The following DNAH8 variants were observed in gnomAD, a reference collection of about 807,000 sequenced individuals.
DNAH8 encodes the protein axonemal beta dynein heavy chain 8.
Under a neutral mutation model 562.1 loss-of-function variants are expected in DNAH8, and 382 were observed. The observed-to-expected ratio is 0.68, with a 90% CI of 0.63 to 0.74. The LOEUF is 0.74. Among genes scored for constraint, DNAH8 ranks in the 30% least tolerant of loss-of-function variants. The pLI is 0.00. For missense variants in DNAH8, 5,203 were observed against 5,620.4 expected, an observed-to-expected ratio of 0.93 and a Z score of 2.37; for synonymous variants, 1,881 against 1,919.4, an observed-to-expected ratio of 0.98 and a Z score of 0.52.
Position 38,866,573 on chromosome 6 carries a change from A to G in DNAH8, c.6499-18A>G. ...AATTGTTTTAGCAATTAAAAATTAA[A>G]CATATTTTAACTTTTAGAACCCTGG... On this transcript the variant is annotated intron_variant, in intron 45 of 92. Coordinates refer to ENST00000327475, the MANE Select transcript of DNAH8 (RefSeq NM_001206927.2). 1 of 1,550,054 alleles carries G rather than the reference A, an allele frequency of 6.5e-7. No homozygotes were observed. Among genetic ancestry groups the G allele is most frequent in the Non-Finnish European group, 8.8e-7 (1 of 1,142,618 alleles).
chr6:38,973,775 A>G lies in DNAH8; in HGVS notation c.12640A>G (p.Thr4214Ala), dbSNP rs372370472. 4.3e-6 allele frequency: 7 copies of G among 1,610,168 alleles called. No individual in the cohort carries two copies. The highest frequency in any genetic ancestry group is 5.9e-6 in the Non-Finnish European group (7 of 1,178,674). The stretch of plus-strand genomic sequence containing the variant: ...TGATTCTTTCCGAGTATGGATAACT[A>G]CGGAGCCCCATGATCGATTTCCAAT... ...SDDSFRVWIT[T>A]EPHDRFPITL... The change falls in exon 84 of 93, where the codon ACG (threonine) becomes GCG (alanine). Residue 4214 changes from threonine (T) to alanine (A), a missense_variant. Around this residue, in one of 6 missense-constraint regions of DNAH8, gnomAD observed 1,399 missense variants for 1,518.4 expected, o/e 0.92. Transcript: ENST00000327475.
chr6:38,983,163 G>T (rs1252965636), intron 86 of DNAH8, among the ~76,000 whole-genome samples: 1 of 152,170 alleles, frequency 6.6e-6, no homozygotes, highest in Non-Finnish European at 1.5e-5. Context: ...GAGCCTTAAA[G>T]CCTGTTTCCT....
intron 21 of DNAH8, among the ~76,000 whole-genome samples, chr6:38,797,424 C>G (rs1188645152): frequency 2.0e-5 from 3 of 152,238 alleles, no homozygotes; most frequent in East Asian, 3.9e-4. Flanking sequence ...TTCCTAACAC[C>G]AGGGTTTGTG....
intron 77 of DNAH8, 102 bp downstream of exon 77, chr6:38,935,799 A>C: frequency 1.3e-6 from 1 of 784,178 alleles, no homozygotes; most frequent in Non-Finnish European, 1.9e-6. Flanking sequence ...GGAAATACTC[A>C]TGTTATCAAT....
chr6:38,972,451 AATTT>A (rs1195934622), intron 83 of DNAH8, among the ~76,000 whole-genome samples: 4 of 152,140 alleles, frequency 2.6e-5, no homozygotes, highest in Admixed American at 2.6e-4. Flanking sequence ...TAAATTCAAT[AATTT>A]ATTTAATTTA....
chr6:39,010,818 CACGTATGTAT>C (rs1205694229), intron 89 of DNAH8, among the ~76,000 whole-genome samples: 253 of 107,506 alleles, frequency 2.4e-3, no homozygotes, highest in Middle Eastern at 9.6e-3. Flanking sequence ...CACACACACA[CACGTATGTAT>C]GTATGTATGT....
intron 91 of DNAH8, among the ~76,000 whole-genome samples, chr6:39,015,893 C>T (rs992779472): frequency 6.6e-6 from 1 of 152,212 alleles, no homozygotes; most frequent in East Asian, 1.9e-4. Context: ...CACACACACA[C>T]CCTTATCCAT....
chr6:38,913,752 C>A, intron 66 of DNAH8, 97 bp from the exon 67 acceptor site: 1 of 754,834 alleles, frequency 1.3e-6, no homozygotes. Flanking sequence ...TGTTATATTA[C>A]ATGTACAGTG....
At chr6:38,756,357 C>T (rs1765904924) in intron 10 of DNAH8, among the ~76,000 whole-genome samples, 1 of 152,074 alleles carries the variant, frequency 6.6e-6, no homozygotes, top group Non-Finnish European at 1.5e-5. Flanking sequence ...TGATTCTACC[C>T]AAGAGATAGG....
rs1184825620 is a variant in DNAH8, at chr6:38,938,168, A to T, written c.11758A>T (p.Ile3920Phe). The part of the protein sequence containing the change: ...FLITEMSMVN[I>F]MYQTSLAQFL... ...CATCACAGAGATGAGCATGGTCAAC[A>T]TCATGTATCAGACGTCATTGGCCCA... The change falls in exon 78 of 93, where the codon ATC becomes TTC. Residue 3920 changes from isoleucine (I) to phenylalanine (F), a missense_variant. Ile to Phe is a conservative substitution (Grantham distance 21, BLOSUM62 0). Coordinates refer to ENST00000327475, the MANE Select transcript of DNAH8 (RefSeq NM_001206927.2). 2.5e-6 allele frequency: 4 copies of T among 1,613,968 alleles called. No homozygotes were observed. In the Admixed American group the frequency reaches 6.7e-5, roughly 27 times the overall value.
chr6:38,723,116 T>G lies in DNAH8; in HGVS notation c.307T>G (p.Leu103Val). The change falls in exon 2 of 93, where the codon TTG (leucine) becomes GTG (valine). Residue 103 changes from leucine to valine, a missense_variant. This residue lies in a region of DNAH8 where 556 missense variants were observed against 496.9 expected (regional missense o/e 1.12). Coordinates refer to ENST00000327475, the MANE Select transcript of DNAH8 (RefSeq NM_001206927.2). ...VQSVISEVLS[L>V]PSSRRSSRYR... ...GTCAGTGATTTCGGAAGTGCTGTCCTTGCCGTCTTCCCGGAGGTCCTCCAG... is the reference window on the plus strand; with the variant it reads ...GTCAGTGATTTCGGAAGTGCTGTCCGTGCCGTCTTCCCGGAGGTCCTCCAG... The G allele has an allele frequency of 6.2e-7, 1 of 1,612,876 alleles. No individual in the cohort carries two copies. Among genetic ancestry groups the G allele is most frequent in the South Asian group, 1.1e-5 (1 of 91,070 alleles).
intron 7 of DNAH8, among the ~76,000 whole-genome samples, 191 bp downstream of exon 7, chr6:38,738,163 T>G (rs1368278351): frequency 6.6e-6 from 1 of 152,208 alleles, no homozygotes; most frequent in South Asian, 2.1e-4. Flanking sequence ...AAATCAATTT[T>G]AAGATATTTC....
chr6:38,737,081 T>C lies in DNAH8; in HGVS notation c.777T>C (p.Thr259=). ...CACCCTTTCAGGAAGCGCTCTTTAC[T>C]GTTCTGGATGCGTCGAAAGGACTCT... ...VKTIQEEALF[T]VLDASKGLLN... Residue 259 remains threonine, a synonymous_variant, in exon 6 of 93, where the codon ACT becomes ACC. Transcript: ENST00000327475. 1 of 1,532,868 alleles carries C rather than the reference T, an allele frequency of 6.5e-7. No individual in the cohort carries two copies. The highest frequency in any genetic ancestry group is 8.7e-7 in the Non-Finnish European group (1 of 1,148,444). 95.0% of individuals were successfully genotyped at this position (1,532,868 alleles called of 1,614,324 possible).
At chr6:38,806,346 T>A (rs1771271743) in intron 23 of DNAH8, among the ~76,000 whole-genome samples, 1 of 152,212 alleles carries the variant, frequency 6.6e-6, no homozygotes, top group Non-Finnish European at 1.5e-5. Context: ...TGCTCAAGGA[T>A]GATATTGCCA....
At chr6:38,739,222 T>C (rs1469931183) in intron 7 of DNAH8, among the ~76,000 whole-genome samples, 2 of 152,220 alleles carry the variant, frequency 1.3e-5, no homozygotes, top group Non-Finnish European at 2.9e-5. Context: ...CATTGTGTCA[T>C]GTTTCATTTG....
At chr6:38,979,043 GC>G (rs1763866006) in intron 85 of DNAH8, among the ~76,000 whole-genome samples, 1 of 152,304 alleles carries the variant, frequency 6.6e-6, no homozygotes, top group South Asian at 2.1e-4. Flanking sequence ...ACCAGAACTA[GC>G]CCGCTACTGC....
intron 92 of DNAH8, among the ~76,000 whole-genome samples, chr6:39,026,873 A>C (rs1561990253): frequency 6.6e-6 from 1 of 152,238 alleles, no homozygotes; most frequent in Non-Finnish European, 1.5e-5. Flanking sequence ...ATGAGCTCTT[A>C]GAACTCCGTA....
At chr6:38,950,186 C>CTGCGTGTG (rs1761767084) in intron 81 of DNAH8, among the ~76,000 whole-genome samples, 1 of 88,362 alleles carries the variant, frequency 1.1e-5, no homozygotes, top group Admixed American at 1.5e-4. Flanking sequence ...GTGTGTGTGT[C>CTGCGTGTG]TGCGTGTGTG....
chr6:39,027,538 G>A (rs772452464), intron 92 of DNAH8, among the ~76,000 whole-genome samples: 2 of 152,180 alleles, frequency 1.3e-5, no homozygotes, highest in Non-Finnish European at 2.9e-5. Flanking sequence ...CCTTATTAAA[G>A]GAGTTGTGGC....
Sources: gnomAD v4.1 joint callset for allele counts (sites outside exome capture counted in the v4.1 genomes callset) on GRCh38, gnomAD v4.1.1 for gene constraint, gnomAD v4.1.1 regional missense constraint, MANE v1.5 for transcripts, NCBI Gene and HGNC (gene_info 2026-07-23, HGNC 2026-07-21) for gene names.